The following MACC1 variants were observed in gnomAD, a reference collection of about 807,000 sequenced individuals.
MACC1 encodes the protein MET transcriptional regulator MACC1.
In MACC1, 79 loss-of-function variants were observed where a neutral mutation model predicts 70.7. The observed-to-expected ratio is 1.12, with a 90% confidence interval of 0.93 to 1.35. The LOEUF is 1.35. Among genes scored for constraint, MACC1 ranks in the 40% most tolerant of loss-of-function variants. The probability of loss-of-function intolerance (pLI) is 0.00; values close to 1 mark genes in which losing one functional copy is unlikely to be tolerated. For synonymous variants in MACC1, 361 were observed against 347.2 expected (o/e 1.04, Z -0.44); for missense variants, 1,106 against 978.1 (o/e 1.13, Z -1.74).
At chr7:20,150,145 T>C (rs1273903824) in intron 6 of MACC1, among the ~76,000 whole-genome samples, 2 of 152,028 alleles carry the variant, frequency 1.3e-5, no homozygotes, top group African/African-American at 4.8e-5. Flanking sequence ...TTTTAAGAAA[T>C]ATTATAACAA....
At chr7:20,214,151 A>T (rs1043722645) in intron 1 of MACC1, among the ~76,000 whole-genome samples, 23 of 152,152 alleles carry the variant, frequency 1.5e-4, no homozygotes, top group Non-Finnish European at 3.2e-4. Context: ...AACCCGCTAA[A>T]GTATGGATTT....
chr7:20,186,349 C>T (rs1782588993), intron 1 of MACC1, among the ~76,000 whole-genome samples: 1 of 151,872 alleles, frequency 6.6e-6, no homozygotes, highest in Admixed American at 6.6e-5. Context: ...AAAAATTGGT[C>T]CAATAATATG....
intron 1 of MACC1, among the ~76,000 whole-genome samples, chr7:20,187,223 A>G (rs139314985): frequency 1.1e-3 from 166 of 152,306 alleles, no homozygotes; most frequent in African/African-American, 3.8e-3. Context: ...TTTCATATTA[A>G]GATATTATTT....
At chr7:20,185,773 CT>C (rs1490599649) in intron 1 of MACC1, among the ~76,000 whole-genome samples, 3 of 152,154 alleles carry the variant, frequency 2.0e-5, no homozygotes, top group Non-Finnish European at 4.4e-5. Flanking sequence ...TGCAGGCAGG[CT>C]TCTAAATGCA....
intron 5 of MACC1, among the ~76,000 whole-genome samples, chr7:20,157,358 T>G (rs1232409978): frequency 6.6e-6 from 1 of 152,148 alleles, no homozygotes; most frequent in African/African-American, 2.4e-5. Context: ...AATACTACAC[T>G]AAAGAATTTG....
intron 1 of MACC1, among the ~76,000 whole-genome samples, chr7:20,181,958 T>C (rs1022863026): frequency 6.6e-6 from 1 of 151,900 alleles, no homozygotes; most frequent in Non-Finnish European, 1.5e-5. Flanking sequence ...AAATTAGTGA[T>C]AGACTGGATT....
chr7:20,153,099 G>A (rs1353778899), intron 6 of MACC1, among the ~76,000 whole-genome samples: 2 of 152,188 alleles, frequency 1.3e-5, no homozygotes, highest in Non-Finnish European at 2.9e-5. Context: ...TCTCTGAGGG[G>A]AAAGACATCC....
At chr7:20,208,684 T>A (rs1386581024) in intron 1 of MACC1, among the ~76,000 whole-genome samples, 1 of 152,086 alleles carries the variant, frequency 6.6e-6, no homozygotes, top group African/African-American at 2.4e-5. Context: ...TGGGGAGAAA[T>A]TCAAGCCTGC....
At chr7:20,189,376 G>T (rs917338442) in intron 1 of MACC1, among the ~76,000 whole-genome samples, 6 of 152,162 alleles carry the variant, frequency 3.9e-5, no homozygotes, top group African/African-American at 1.4e-4. Flanking sequence ...CCAGAGCTTA[G>T]AAGAGTTTCT....
chr7:20,160,765 T>C (rs1782129120), intron 4 of MACC1, among the ~76,000 whole-genome samples: 2 of 152,212 alleles, frequency 1.3e-5, no homozygotes, highest in South Asian at 2.1e-4. Flanking sequence ...AATACATCTG[T>C]TAATATTTAA....
At chr7:20,167,117 T>C (rs1367344342) in intron 2 of MACC1, among the ~76,000 whole-genome samples, 1 of 152,222 alleles carries the variant, frequency 6.6e-6, no homozygotes, top group Non-Finnish European at 1.5e-5. Flanking sequence ...ACTTCTGGTA[T>C]CATGCATGGC....
chr7:20,196,747 C>A (rs1007624436), intron 1 of MACC1, among the ~76,000 whole-genome samples: 3 of 151,978 alleles, frequency 2.0e-5, no homozygotes, highest in African/African-American at 7.3e-5. Flanking sequence ...ATCTATCATG[C>A]ATGGAGAACC....
At chr7:20,175,838 C>G (rs1282693819) in intron 1 of MACC1, among the ~76,000 whole-genome samples, 4 of 152,034 alleles carry the variant, frequency 2.6e-5, no homozygotes, top group Non-Finnish European at 5.9e-5. Flanking sequence ...GCTGGAGCAG[C>G]CTTAAATCAA....
At chr7:20,213,758 G>A (rs997726802) in intron 1 of MACC1, among the ~76,000 whole-genome samples, 1 of 152,044 alleles carries the variant, frequency 6.6e-6, no homozygotes. Flanking sequence ...CCAATTGAAG[G>A]GTGGAGGGTG....
intron 1 of MACC1, among the ~76,000 whole-genome samples, chr7:20,173,930 T>C (rs956329185): frequency 1.3e-5 from 2 of 152,320 alleles, no homozygotes; most frequent in Middle Eastern, 3.4e-3. Context: ...CGTGGACAAC[T>C]GCTTCCTTTG....
At chr7:20,203,878 C>T (rs746314269) in intron 1 of MACC1, among the ~76,000 whole-genome samples, 5 of 151,946 alleles carry the variant, frequency 3.3e-5, no homozygotes, top group Admixed American at 2.6e-4. Flanking sequence ...TAATAGCTAA[C>T]GGCTGGAAAA....
At chr7:20,183,910 A>AGAT (rs1782548225) in intron 1 of MACC1, among the ~76,000 whole-genome samples, 1 of 151,782 alleles carries the variant, frequency 6.6e-6, no homozygotes, top group Non-Finnish European at 1.5e-5. Flanking sequence ...GTTTCACCAT[A>AGAT]TTGGCCAGGC....
chr7:20,215,554 A>G (rs1783057109), intron 1 of MACC1, among the ~76,000 whole-genome samples: 1 of 152,354 alleles, frequency 6.6e-6, no homozygotes, highest in Non-Finnish European at 1.5e-5. Context: ...CATAGGGTTT[A>G]CATTTATTAA....
At position 20,159,293 on chromosome 7, in the gene MACC1, C is replaced by T. The variant is rs28637443; in HGVS notation, c.1068G>A (p.Pro356=). Residue 356 remains proline (P), a synonymous_variant, in exon 5 of 7, where the codon CCG becomes CCA. Coordinates refer to ENST00000400331, the MANE Select transcript of MACC1 (RefSeq NM_182762.4). ...LVVAAQAKAL[P]SPAATIWDYI... is the part of the protein sequence containing the mutation. ...AATCCCAAATGGTGGCAGCTGGTGA[C>T]GGAAGAGCTTTAGCTTGTGCAGCAA... The T allele has an allele frequency of 2.9e-4, 471 of 1,614,022 alleles. 1 individual carries two copies. In the African/African-American group the frequency reaches 4.0e-3, roughly 14 times the overall value.
Sources: gnomAD v4.1 joint callset for allele counts (sites outside exome capture counted in the v4.1 genomes callset) on GRCh38, gnomAD v4.1.1 for gene constraint, MANE v1.5 for transcripts, NCBI Gene and HGNC (gene_info 2026-07-23, HGNC 2026-07-21) for gene names.